Variants in EPHA3 observed in about 807,000 individuals in gnomAD.
The protein encoded by EPHA3 is ephrin type-A receptor 3.
EPHA3 carries 42 observed loss-of-function variants against 107.1 expected under a neutral mutation model. That is an observed-to-expected ratio of 0.39 (90% CI 0.31 to 0.51). EPHA3 has a LOEUF of 0.51. Among genes scored for constraint, EPHA3 ranks in the 20% least tolerant of loss-of-function variants. EPHA3 has a pLI of 0.78. For synonymous variants in EPHA3, 461 were observed against 424.8 expected, an observed-to-expected ratio of 1.09 and a Z score of -1.05; for missense variants, 1,183 against 1,211.2, an observed-to-expected ratio of 0.98 and a Z score of 0.35.
intron 2 of EPHA3, among the ~76,000 whole-genome samples, chr3:89,158,168 G>A (rs1289720987): frequency 6.6e-6 from 1 of 152,106 alleles, no homozygotes; most frequent in Non-Finnish European, 1.5e-5. Context: ...ATGAAAATAA[G>A]TAAATTATCC....
intron 2 of EPHA3, among the ~76,000 whole-genome samples, chr3:89,181,410 A>C (rs1705439626): frequency 6.6e-6 from 1 of 151,918 alleles, no homozygotes; most frequent in Non-Finnish European, 1.5e-5. Context: ...CACATAGCTC[A>C]GTTTTGTACA....
intron 6 of EPHA3, among the ~76,000 whole-genome samples, chr3:89,397,638 C>T (rs1412550889): frequency 6.9e-6 from 1 of 144,254 alleles, no homozygotes; most frequent in Non-Finnish European, 1.5e-5. Context: ...GGCTGGAGTG[C>T]AATGGCATGA....
chr3:89,303,321 G>T (rs941577804), intron 3 of EPHA3, among the ~76,000 whole-genome samples: 1 of 151,046 alleles, frequency 6.6e-6, no homozygotes. Flanking sequence ...TCTGTCTATT[G>T]TTCACTGTCT....
chr3:89,288,224 T>G (rs1363964935), intron 3 of EPHA3, among the ~76,000 whole-genome samples: 4 of 152,088 alleles, frequency 2.6e-5, no homozygotes, highest in Non-Finnish European at 4.4e-5. Flanking sequence ...ATATTCAGGC[T>G]AGAGTACATA....
At chr3:89,173,692 A>G (rs1270447180) in intron 2 of EPHA3, among the ~76,000 whole-genome samples, 1 of 152,040 alleles carries the variant, frequency 6.6e-6, no homozygotes, top group Non-Finnish European at 1.5e-5. Flanking sequence ...CTTTTTGGTC[A>G]GCTTCACTGT....
intron 3 of EPHA3, among the ~76,000 whole-genome samples, chr3:89,242,571 G>T (rs1219691282): frequency 1.3e-5 from 2 of 151,924 alleles, no homozygotes; most frequent in African/African-American, 4.8e-5. Context: ...CCCAGCAGCT[G>T]GGACTACGGG....
chr3:89,270,068 A>G lies in EPHA3; in HGVS notation c.814+59548A>G, dbSNP rs910325546. On this transcript the variant is annotated intron_variant, in intron 3 of 16. Coordinates refer to ENST00000336596, the MANE Select transcript of EPHA3 (RefSeq NM_005233.6). ...CCAAAAGGACCAAATGTGAAAGCCT[A>G]CTTCAGGCAGGTAGTATATCTTCTG... Among the ~76,000 whole-genome samples the G allele has an allele frequency of 2.6e-5, 4 of 151,974 alleles. No homozygotes were observed. The East Asian group carries it at 5.8e-4, about 22-fold the overall frequency.
chr3:89,349,490 T>C (rs1407122650), intron 5 of EPHA3, among the ~76,000 whole-genome samples: 2 of 149,216 alleles, frequency 1.3e-5, no homozygotes, highest in African/African-American at 2.5e-5. Flanking sequence ...TCCATCCTTT[T>C]ATTTTGAGCC....
chr3:89,453,401 C>T (rs900181465), intron 15 of EPHA3, among the ~76,000 whole-genome samples: 2 of 151,948 alleles, frequency 1.3e-5, no homozygotes, highest in African/African-American at 4.8e-5. Context: ...ATTCACTTTT[C>T]CACTCTTATT....
intron 3 of EPHA3, among the ~76,000 whole-genome samples, chr3:89,217,310 T>C (rs577759511): frequency 6.6e-6 from 1 of 152,288 alleles, no homozygotes; most frequent in Non-Finnish European, 1.5e-5. Flanking sequence ...TAGCTTCTCA[T>C]CTTCCAGTAT....
At position 89,469,195 on chromosome 3, in the gene EPHA3, T is replaced by C. The variant is rs373824426; in HGVS notation, c.2691-3269T>C. Among the ~76,000 whole-genome samples, 5 of 152,162 alleles carry C rather than the reference T, an allele frequency of 3.3e-5. No homozygotes were observed. The East Asian group carries it at 7.7e-4, about 23-fold the overall frequency. Reference sequence around the variant, plus strand: ...ACTTGTGAAGTAAAAAGGATTGAGGTAATTGAGTTTAGTCTAGTGGACAGA... The same window carrying C: ...ACTTGTGAAGTAAAAAGGATTGAGGCAATTGAGTTTAGTCTAGTGGACAGA... On this transcript the variant is annotated intron_variant, in intron 15 of 16. Transcript: ENST00000336596.
Position 89,413,056 on chromosome 3 carries a change from TA to T in EPHA3, c.1763-82del. On this transcript the variant is annotated intron_variant, in intron 9 of 16. Coordinates refer to ENST00000336596, the MANE Select transcript of EPHA3 (RefSeq NM_005233.6). ...GCACCTTATGGGGTAGGGATTTTTT[TA>T]AACCAATAATGCCATAAAATTTGAT... 11 of 1,569,432 alleles carry T rather than the reference TA, an allele frequency of 7.0e-6. No homozygotes were observed. The African/African-American group carries it at 1.4e-4, about 19-fold the overall frequency.
chr3:89,235,819 A>T (rs1284046788), intron 3 of EPHA3, among the ~76,000 whole-genome samples: 1 of 151,896 alleles, frequency 6.6e-6, no homozygotes, highest in African/African-American at 2.4e-5. Flanking sequence ...GAAAGTAAAA[A>T]AAGTTACAAA....
rs376797367 is a variant in EPHA3 at position 89,324,296 on chromosome 3, T to C, written c.815-16620T>C. Among the ~76,000 whole-genome samples the C allele has an allele frequency of 7.9e-5, 12 of 151,732 alleles. No individual in the cohort carries two copies. The East Asian group carries it at 2.3e-3, about 30-fold the overall frequency. ...GATTCTCATGCTTCAGCCTCCCAAG[T>C]AGCTGGGATTACAGATGTGTGCAAA... is the stretch of plus-strand genomic sequence containing the variant. On this transcript the variant is annotated intron_variant, in intron 3 of 16. Transcript: ENST00000336596.
At chr3:89,359,832 T>TATACACATATATATACATATATATAC (rs747927767) in intron 5 of EPHA3, among the ~76,000 whole-genome samples, 1 of 128,122 alleles carries the variant, frequency 7.8e-6, no homozygotes, top group Non-Finnish European at 1.7e-5. Context: ...CATATATATA[T>TATACACATATATATACATATATATAC]ACATATATAT....
intron 2 of EPHA3, among the ~76,000 whole-genome samples, chr3:89,130,820 T>C (rs1704192863): frequency 6.6e-6 from 1 of 152,078 alleles, no homozygotes. Flanking sequence ...TGTTTTTTAG[T>C]AGAGACGGGG....
intron 15 of EPHA3, among the ~76,000 whole-genome samples, chr3:89,470,316 G>A (rs1427129319): frequency 1.3e-5 from 2 of 152,058 alleles, no homozygotes; most frequent in African/African-American, 4.8e-5. Flanking sequence ...CAAGATCATT[G>A]CATTCCCAGC....
chr3:89,376,124 T>C (rs1004353539), intron 5 of EPHA3, among the ~76,000 whole-genome samples: 1 of 151,886 alleles, frequency 6.6e-6, no homozygotes, highest in Non-Finnish European at 1.5e-5. Context: ...AAAGAGATAT[T>C]CCATACATTA....
chr3:89,303,133 C>T (rs1412359548), intron 3 of EPHA3, among the ~76,000 whole-genome samples: 1 of 152,044 alleles, frequency 6.6e-6, no homozygotes, highest in Non-Finnish European at 1.5e-5. Flanking sequence ...TAGGCTCAAG[C>T]AGTCCACCCA....
Sources: allele counts gnomAD v4.1 joint callset (sites outside exome capture counted in the v4.1 genomes callset), GRCh38; gene constraint gnomAD v4.1.1; transcripts MANE v1.5; gene names NCBI Gene and HGNC (gene_info 2026-07-23, HGNC 2026-07-21).